The following NIPAL2 variants were observed in gnomAD, a reference collection of about 807,000 sequenced individuals.
NIPAL2 encodes NIPA-like protein 2.
In NIPAL2, 43 loss-of-function variants were observed where a neutral mutation model predicts 48.9. The ratio of observed to expected loss-of-function variants is 0.88; its 90% confidence interval spans 0.69 to 1.13. The LOEUF (loss-of-function observed/expected upper bound fraction) is 1.13. Among genes scored for constraint, NIPAL2 ranks in the 50% most tolerant of loss-of-function variants. The pLI, the probability that NIPAL2 is intolerant of heterozygous loss-of-function variation, is 0.00. For synonymous variants in NIPAL2, 167 were observed against 174.6 expected, an observed-to-expected ratio of 0.96 and a Z score of 0.34; for missense variants, 446 against 461.4, an observed-to-expected ratio of 0.97 and a Z score of 0.31.
intron 3 of NIPAL2, among the ~76,000 whole-genome samples, chr8:98,239,320 C>A (rs990754386): frequency 9.9e-5 from 15 of 152,204 alleles, no homozygotes; most frequent in Admixed American, 9.8e-4. Flanking sequence ...TATTTCCTTG[C>A]TCTCAGTCCA....
chr8:98,221,994 T>C (rs1811911309), intron 5 of NIPAL2, among the ~76,000 whole-genome samples: 1 of 152,230 alleles, frequency 6.6e-6, no homozygotes, highest in Admixed American at 6.5e-5. Flanking sequence ...CATATGTTTA[T>C]TGTGGCACTG....
chr8:98,293,941 C>T (rs1191683778), intron 1 of NIPAL2, 62 bp downstream of exon 1: 1 of 1,341,800 alleles, frequency 7.5e-7, no homozygotes, highest in East Asian at 3.1e-5. Context: ...GCAGAGGCGC[C>T]CGGAGCCAGC....
chr8:98,223,350 TA>T (rs898090079), intron 4 of NIPAL2, among the ~76,000 whole-genome samples: 6 of 152,052 alleles, frequency 3.9e-5, no homozygotes, highest in Admixed American at 3.3e-4. Context: ...GTAGGGGGAT[TA>T]GGGGGTGAGG....
chr8:98,252,858 G>T (rs1017266368), intron 2 of NIPAL2, among the ~76,000 whole-genome samples: 1 of 151,848 alleles, frequency 6.6e-6, no homozygotes, highest in African/African-American at 2.4e-5. Context: ...CCCGATCCAC[G>T]GATTCATTTT....
At chr8:98,242,829 A>C (rs1813068811) in intron 3 of NIPAL2, among the ~76,000 whole-genome samples, 1 of 152,188 alleles carries the variant, frequency 6.6e-6, no homozygotes, top group South Asian at 2.1e-4. Context: ...AGTCGATGAG[A>C]TGATAAATAT....
At chr8:98,244,582 ATGAGAGGGTGGGCTGTGGTG>A (rs1813197068) in intron 3 of NIPAL2, among the ~76,000 whole-genome samples, 1 of 38,014 alleles carries the variant, frequency 2.6e-5, no homozygotes, top group Non-Finnish European at 4.6e-5. Context: ...CGCTGTGGTG[ATGAGAGGGTGGGCTGTGGTG>A]ATGAGAGGGT....
chr8:98,203,171 A>G lies in NIPAL2; in HGVS notation c.817T>C (p.Tyr273His), dbSNP rs1427690174. ...ACTGGCACCACTGTTGTCGTATTGT[A>G]GAGTTTCGTGGCTTGATTCAGGAAC... is the stretch of plus-strand genomic sequence containing the variant. ...VKFLNQATKL[Y>H]NTTTVVPVNH... The change falls in exon 8 of 11, where the codon TAC becomes CAC. Residue 273 changes from tyrosine (Y) to histidine (H), a missense_variant. Physicochemically the swap from Tyr to His is moderately conservative, Grantham distance 83 (BLOSUM62 2). Transcript: ENST00000430223. 8 of 1,614,044 alleles carry G rather than the reference A, an allele frequency of 5.0e-6. No individual in the cohort carries two copies. The highest frequency in any genetic ancestry group is 6.8e-6 in the Non-Finnish European group (8 of 1,179,982).
At chr8:98,242,189 C>T (rs990061174) in intron 3 of NIPAL2, among the ~76,000 whole-genome samples, 33 of 151,790 alleles carry the variant, frequency 2.2e-4, no homozygotes, top group Non-Finnish European at 5.9e-5. Context: ...TTTAAAAGTT[C>T]TTTTTTTTGA....
chr8:98,280,751 T>TAG lies in NIPAL2; in HGVS notation c.135+13251_135+13252insCT, dbSNP rs1324978171. Among the ~76,000 whole-genome samples, 27 of 42,344 alleles carry TAG rather than the reference T, an allele frequency of 6.4e-4. 1 individual carries two copies. Among genetic ancestry groups the TAG allele is most frequent in the Non-Finnish European group, 9.2e-4 (17 of 18,518 alleles). 27.8% of individuals were successfully genotyped at this position (42,344 alleles called of 152,430 possible). The stretch of plus-strand genomic sequence containing the variant: ...TAGTCCATTACTATATATATATATA[T>TAG]ATATATATATAGAGAGAGAGAGAGA... On this transcript the variant is annotated intron_variant, in intron 1 of 10. Transcript: ENST00000430223.
chr8:98,245,982 C>T (rs1268205068), intron 3 of NIPAL2, among the ~76,000 whole-genome samples: 1 of 152,190 alleles, frequency 6.6e-6, no homozygotes, highest in African/African-American at 2.4e-5. Flanking sequence ...CTATCACAGG[C>T]ATCCTGTGAG....
chr8:98,216,727 G>C (rs775057766), intron 5 of NIPAL2, among the ~76,000 whole-genome samples: 1 of 152,194 alleles, frequency 6.6e-6, no homozygotes, highest in African/African-American at 2.4e-5. Flanking sequence ...GTTCACAAAA[G>C]AGGTTCCATT....
At chr8:98,196,061 G>T in intron 8 of NIPAL2, 56 bp from the exon 9 acceptor site, 1 of 1,010,738 alleles carries the variant, frequency 9.9e-7, no homozygotes, top group Non-Finnish European at 1.5e-6. Context: ...ATTTATAATA[G>T]CTAAATATTG....
At chr8:98,222,658 C>A in intron 4 of NIPAL2, 58 bp from the exon 5 acceptor site, 1 of 1,566,834 alleles carries the variant, frequency 6.4e-7, no homozygotes. Flanking sequence ...CTTTTGTTGA[C>A]GCAGACATTG....
chr8:98,260,960 G>A (rs1487783171), intron 1 of NIPAL2, among the ~76,000 whole-genome samples: 1 of 152,160 alleles, frequency 6.6e-6, no homozygotes, highest in Non-Finnish European at 1.5e-5. Flanking sequence ...TCCTCAAGTG[G>A]GTCCCTGACC....
chr8:98,281,943 G>C (rs1468206083), intron 1 of NIPAL2, among the ~76,000 whole-genome samples: 2 of 152,224 alleles, frequency 1.3e-5, no homozygotes, highest in Non-Finnish European at 2.9e-5. Flanking sequence ...TACCTGTGAT[G>C]GCATTTAGGC....
intron 1 of NIPAL2, among the ~76,000 whole-genome samples, chr8:98,292,726 A>ATT (rs11445213): frequency 0.23 from 31,767 of 140,880 alleles, 3,756 homozygotes; most frequent in Admixed American, 0.3. Context: ...CTAACCCTCT[A>ATT]TTTTTTTTTT....
intron 1 of NIPAL2, among the ~76,000 whole-genome samples, chr8:98,256,932 C>T (rs1315751303): frequency 6.6e-6 from 1 of 152,084 alleles, no homozygotes; most frequent in African/African-American, 2.4e-5. Context: ...GCATAAACAA[C>T]ATAGAGTACA....
At chr8:98,219,401 A>G (rs994917060) in intron 5 of NIPAL2, among the ~76,000 whole-genome samples, 2 of 152,192 alleles carry the variant, frequency 1.3e-5, no homozygotes, top group African/African-American at 2.4e-5. Context: ...AGAGCCTGGC[A>G]TGGATTAGTC....
intron 9 of NIPAL2, 81 bp from the exon 10 acceptor site, chr8:98,194,903 A>G (rs895715136): frequency 2.7e-6 from 2 of 740,160 alleles, no homozygotes; most frequent in East Asian, 6.0e-5. Context: ...CATATTCTAC[A>G]TGATGACATA....
Sources: gnomAD v4.1 joint callset for allele counts (sites outside exome capture counted in the v4.1 genomes callset) on GRCh38, gnomAD v4.1.1 for gene constraint, MANE v1.5 for transcripts, NCBI Gene and HGNC (gene_info 2026-07-23, HGNC 2026-07-21) for gene names.